Variants in ZNF331 observed in about 807,000 individuals in gnomAD.
ZNF331 encodes the protein C2H2-like zinc finger protein rearranged in thyroid adenomas.
In ZNF331, 2 loss-of-function variants were observed where a neutral mutation model predicts 7.0. That is an observed-to-expected ratio of 0.29 (90% confidence interval 0.12 to 0.90). The LOEUF (loss-of-function observed/expected upper bound fraction) is 0.90, where lower values mean the gene tolerates loss of function less well. Among genes scored for constraint, ZNF331 ranks in the 40% least tolerant of loss-of-function variants. The probability of loss-of-function intolerance (pLI) is 0.58; values close to 1 mark genes in which losing one functional copy is unlikely to be tolerated. For synonymous variants in ZNF331, 196 were observed against 205.4 expected, an observed-to-expected ratio of 0.95 and a Z score of 0.39; for missense variants, 432 against 587.7, an observed-to-expected ratio of 0.74 and a Z score of 2.74.
At chr19:53,575,853 T>C (rs984732232) in intron 5 of ZNF331, among the ~76,000 whole-genome samples, 1 of 151,008 alleles carries the variant, frequency 6.6e-6, no homozygotes, top group African/African-American at 2.4e-5. Context: ...CCAGCTAATG[T>C]TTGTATTTTT....
intron 2 of ZNF331, among the ~76,000 whole-genome samples, chr19:53,553,293 A>C (rs922783332): frequency 4.7e-5 from 6 of 127,300 alleles, no homozygotes; most frequent in African/African-American, 1.7e-4. Context: ...ACTCCATCTC[A>C]AAAAAAAAAA....
At chr19:53,561,863 GA>G (rs2089904504) in intron 3 of ZNF331, among the ~76,000 whole-genome samples, 2 of 152,162 alleles carry the variant, frequency 1.3e-5, no homozygotes, top group African/African-American at 4.8e-5. Context: ...AAAAAAACTA[GA>G]AGGCCGGGTG....
chr19:53,557,540 G>A (rs2089513619), intron 3 of ZNF331, among the ~76,000 whole-genome samples: 1 of 152,190 alleles, frequency 6.6e-6, no homozygotes, highest in African/African-American at 2.4e-5. Context: ...AATCTGGGGA[G>A]GAATAAAATA....
At chr19:53,524,159 GT>G (rs1465231490) in intron 2 of ZNF331, among the ~76,000 whole-genome samples, 1 of 152,122 alleles carries the variant, frequency 6.6e-6, no homozygotes, top group Non-Finnish European at 1.5e-5. Context: ...AATCCAGTCT[GT>G]CATTGATGGA....
At chr19:53,566,984 T>C (rs2090189201) in intron 3 of ZNF331, among the ~76,000 whole-genome samples, 1 of 152,182 alleles carries the variant, frequency 6.6e-6, no homozygotes, top group South Asian at 2.1e-4. Flanking sequence ...TATGTGTATA[T>C]ATAGACAGAT....
At chr19:53,521,799 G>A (rs8100386) in exon 1 of ZNF331, 95,062 of 152,458 alleles carry the variant, frequency 0.62, 30,064 homozygotes, top group African/African-American at 0.73. Flanking sequence ...TCGGGCCTGG[G>A]TGCATGGCCT....
chr19:53,526,179 A>G (rs559565495), intron 2 of ZNF331, among the ~76,000 whole-genome samples: 10 of 152,306 alleles, frequency 6.6e-5, no homozygotes, highest in African/African-American at 2.4e-4. Flanking sequence ...TCAGTTTGCT[A>G]GTATCTTGCT....
chr19:53,551,316 CA>C (rs1349724448), intron 2 of ZNF331, among the ~76,000 whole-genome samples: 1 of 152,146 alleles, frequency 6.6e-6, no homozygotes, highest in Non-Finnish European at 1.5e-5. Context: ...TATAGTCCTC[CA>C]CTTCCCCTCT....
At chr19:53,526,266 G>T (rs2087288607) in intron 2 of ZNF331, among the ~76,000 whole-genome samples, 1 of 152,108 alleles carries the variant, frequency 6.6e-6, no homozygotes, top group Non-Finnish European at 1.5e-5. Context: ...TGTTGGGTTT[G>T]GTCATGCTGT....
At chr19:53,574,778 G>A (rs1301791550) in intron 5 of ZNF331, among the ~76,000 whole-genome samples, 15 of 152,144 alleles carry the variant, frequency 9.9e-5, no homozygotes, top group Admixed American at 7.9e-4. Context: ...AATGGTGCGC[G>A]CCTATCACTG....
intron 4 of ZNF331, among the ~76,000 whole-genome samples, chr19:53,570,965 TCTC>T (rs1469027870): frequency 2.0e-5 from 3 of 151,628 alleles, no homozygotes; most frequent in Non-Finnish European, 4.4e-5. Flanking sequence ...TTCATGCCAT[TCTC>T]CTGCCTCAGC....
chr19:53,553,479 T>C (rs569716479), intron 2 of ZNF331, among the ~76,000 whole-genome samples: 2 of 152,312 alleles, frequency 1.3e-5, no homozygotes, highest in South Asian at 2.1e-4. Context: ...GTTGTATCAA[T>C]TTAAAAGAAA....
At chr19:53,541,123 T>TC (rs2088140336) in intron 2 of ZNF331, among the ~76,000 whole-genome samples, 1 of 151,750 alleles carries the variant, frequency 6.6e-6, no homozygotes, top group Non-Finnish European at 1.5e-5. Context: ...TTTTTTTTTT[T>TC]TGAGACAGAG....
At chr19:53,507,254 A>G in the ZNF331 span, among the ~76,000 whole-genome samples, 1 of 152,092 alleles carries the variant, frequency 6.6e-6, no homozygotes, top group Non-Finnish European at 1.5e-5. Context: ...CTGACACAAT[A>G]ATAGTCACGC....
In ZNF331 at chr19:53,560,652, T is replaced by C. The variant is rs913368857; in HGVS notation, c.-74+4744T>C. ...GCTAAAACCAGGTTGTTGGAGGCTGTAGGAGATATTCTGTGTCCTTGCTTT... is the reference window on the plus strand; with the variant it reads ...GCTAAAACCAGGTTGTTGGAGGCTGCAGGAGATATTCTGTGTCCTTGCTTT... On this transcript the variant is annotated intron_variant, in intron 3 of 5. Transcript: ENST00000449416. This position sits in a 1 kb window ranked among gnomAD's most constrained non-coding sequence, Gnocchi z 4.3. Among the ~76,000 whole-genome samples the C allele has an allele frequency of 1.2e-4, 19 of 152,146 alleles. 1 individual carries two copies. The highest frequency in any genetic ancestry group is 3.6e-4 in the African/African-American group (15 of 41,438).
At position 53,564,263 on chromosome 19, in the gene ZNF331, C is replaced by T. The variant is rs561769769; in HGVS notation, c.-73-5041C>T. 2.6e-4 allele frequency among the ~76,000 whole-genome samples: 40 copies of T among 151,448 alleles called. No homozygotes were observed. In the East Asian group the frequency reaches 4.5e-3, roughly 17 times the overall value. On this transcript the variant is annotated intron_variant, in intron 3 of 5. Coordinates refer to ENST00000449416, the MANE Select transcript of ZNF331 (RefSeq NM_001079906.2). ...GCAAAACATCTCTGTCCAGATTATA[C>T]GTACCTTTTTATTTTATTTTATTTT...
At chr19:53,568,607 G>T (rs2090279209) in intron 3 of ZNF331, among the ~76,000 whole-genome samples, 1 of 152,056 alleles carries the variant, frequency 6.6e-6, no homozygotes, top group Admixed American at 6.6e-5. Context: ...AGGTAATATA[G>T]ATTACCTTTC....
Position 53,548,117 on chromosome 19 carries a change from C to CT in ZNF331, c.-137-7719dup, listed in dbSNP as rs1023277078. 4.0e-3 allele frequency among the ~76,000 whole-genome samples: 598 copies of CT among 149,202 alleles called. 3 individuals are homozygous for CT. Among genetic ancestry groups the CT allele is most frequent in the African/African-American group, 0.014 (551 of 40,614 alleles). On this transcript the variant is annotated intron_variant, in intron 2 of 5. Coordinates refer to ENST00000449416, the MANE Select transcript of ZNF331 (RefSeq NM_001079906.2). ...GCTAATTTTTCTTTTCTTTTCTTTT[C>CT]TTTTTTTTTGAGATGGAGTCTCCCT...
intron 4 of ZNF331, among the ~76,000 whole-genome samples, chr19:53,570,861 T>C (rs537074999): frequency 6.8e-6 from 1 of 147,454 alleles, no homozygotes; most frequent in South Asian, 2.1e-4. Context: ...TTCTTTTCTT[T>C]TCTTTTTTTT....
Sources: allele counts gnomAD v4.1 joint callset (sites outside exome capture counted in the v4.1 genomes callset), GRCh38; gene constraint gnomAD v4.1.1; non-coding constraint Gnocchi (gnomAD v3.1); transcripts MANE v1.5; gene names NCBI Gene and HGNC (gene_info 2026-07-23, HGNC 2026-07-21).